The following NAA60 variants were observed in gnomAD, a reference collection of about 807,000 sequenced individuals.
The protein encoded by NAA60 is N-alpha-acetyltransferase 60, NatF catalytic subunit.
NAA60 carries 8 observed loss-of-function variants against 26.1 expected under a neutral mutation model. The ratio of observed to expected loss-of-function variants is 0.31; its 90% CI spans 0.18 to 0.55. NAA60 has a LOEUF of 0.55. NAA60 is among the 20% of genes least tolerant of loss of function. The pLI is 0.93. For missense variants in NAA60, 290 were observed against 311.3 expected (o/e 0.93, Z 0.51); for synonymous variants, 131 against 122.5 (o/e 1.07, Z -0.46).
intron 2 of NAA60, chr16:3,449,967 G>C (rs2034709933): frequency 5.0e-6 from 2 of 397,802 alleles, no homozygotes; most frequent in Non-Finnish European, 8.9e-6. Context: ...TCTTTTTTTT[G>C]TAAATTGCGC....
intron 2 of NAA60, among the ~76,000 whole-genome samples, chr16:3,454,380 G>T (rs548914050): frequency 6.6e-6 from 1 of 152,298 alleles, no homozygotes; most frequent in East Asian, 1.9e-4. Flanking sequence ...TGAGTAAATA[G>T]GCAAGAGAAA....
At chr16:3,467,006 C>A (rs2035805607) in intron 2 of NAA60, among the ~76,000 whole-genome samples, 1 of 151,778 alleles carries the variant, frequency 6.6e-6, no homozygotes, top group South Asian at 2.1e-4. Flanking sequence ...GAGGCCTGCC[C>A]AAGATGGGTG....
At chr16:3,484,146 T>G (rs1302889054) in intron 6 of NAA60, among the ~76,000 whole-genome samples, 2 of 152,146 alleles carry the variant, frequency 1.3e-5, no homozygotes, top group Non-Finnish European at 2.9e-5. Context: ...TTTATAATAG[T>G]CAGAATGTGG....
intron 2 of NAA60, among the ~76,000 whole-genome samples, chr16:3,462,086 C>CAAAAAAAAAAAAAAA (rs1228233879): frequency 7.8e-5 from 6 of 76,794 alleles, no homozygotes; most frequent in African/African-American, 1.6e-4. Context: ...GACCTTATAT[C>CAAAAAAAAAAAAAAA]AAAAAAAAAA....
intron 2 of NAA60, among the ~76,000 whole-genome samples, chr16:3,452,741 C>T (rs1351087784): frequency 6.6e-6 from 1 of 151,362 alleles, no homozygotes. Context: ...AGCTCACTTG[C>T]ACCAGGAGTT....
At chr16:3,482,788 C>T (rs1319974523) in intron 5 of NAA60, 190 bp downstream of exon 5, 7 of 618,612 alleles carry the variant, frequency 1.1e-5, no homozygotes, top group Admixed American at 9.7e-5. Flanking sequence ...CCAGCACACC[C>T]ACCACCTTCA....
chr16:3,445,994 G>A (rs1449382637), intron 1 of NAA60, among the ~76,000 whole-genome samples: 1 of 152,122 alleles, frequency 6.6e-6, no homozygotes, highest in Non-Finnish European at 1.5e-5. Flanking sequence ...AATCACAAAT[G>A]CTTGACTGTA....
At chr16:3,482,626 C>G in intron 5 of NAA60, 28 bp downstream of exon 5, 4 of 1,521,778 alleles carry the variant, frequency 2.6e-6, no homozygotes, top group Non-Finnish European at 3.6e-6. Context: ...CGCGGCTTGG[C>G]GCCCACCCCA....
chr16:3,444,767 A>G (rs1449969603), intron 1 of NAA60, among the ~76,000 whole-genome samples: 1 of 152,196 alleles, frequency 6.6e-6, no homozygotes, highest in Non-Finnish European at 1.5e-5. Flanking sequence ...GCATGTTGGT[A>G]ACGTTGACAA....
intron 2 of NAA60, among the ~76,000 whole-genome samples, chr16:3,466,054 G>A (rs987230275): frequency 6.6e-6 from 1 of 152,224 alleles, no homozygotes; most frequent in African/African-American, 2.4e-5. Flanking sequence ...CAAGTGCACA[G>A]CTTCACCCAG....
rs1466553110 is a variant in NAA60, at chr16:3,450,721, AAAAG to A, written c.-7+2186_-7+2189del. On this transcript the variant is annotated intron_variant, in intron 2 of 7. Coordinates refer to ENST00000407558, the MANE Select transcript of NAA60 (RefSeq NM_001083601.3). ...TCTCAAAAAAAAAAAAAAAAAAAAA[AAAAG>A]AAAGTTGTGATCCAAGGGAAAGCAT... 1.9e-3 allele frequency among the ~76,000 whole-genome samples: 289 copies of A among 150,290 alleles called. 1 individual carries two copies. Among genetic ancestry groups the A allele is most frequent in the African/African-American group, 3.6e-3 (146 of 40,562 alleles).
At chr16:3,476,408 G>T (rs568770328) in intron 3 of NAA60, 71 bp downstream of exon 3, 2 of 1,319,752 alleles carry the variant, frequency 1.5e-6, no homozygotes, top group South Asian at 1.3e-5. Flanking sequence ...CGGCGGGGGT[G>T]GGGGCCTCTT....
In NAA60 at chr16:3,485,702, A is replaced by G. The variant is rs114173034; in HGVS notation, c.*442A>G. 1,917 of 456,572 alleles carry G rather than the reference A, an allele frequency of 4.2e-3. 42 individuals are homozygous for G. The highest frequency in any genetic ancestry group is 0.034 in the African/African-American group (1,714 of 50,198). 28.3% of individuals were successfully genotyped at this position (456,572 alleles called of 1,614,324 possible). On this transcript the variant is annotated 3_prime_UTR_variant, in exon 8 of 8. Transcript: ENST00000407558. ...AAGTATTATGGACACACTTGACCGT[A>G]AAGGCACAGGAGCCTCGGAACAAGG... is the stretch of plus-strand genomic sequence containing the variant.
rs572441633 is a variant in NAA60 at position 3,458,349 on chromosome 16, C to T, written c.-7+9809C>T. On this transcript the variant is annotated intron_variant, in intron 2 of 7. Transcript: ENST00000407558. ...CCCGCGCCCCCGGCGCACGGTCCTCCCGGGAGCCGGTTTCGGGGACGGCGG... is the reference window on the plus strand; with the variant it reads ...CCCGCGCCCCCGGCGCACGGTCCTCTCGGGAGCCGGTTTCGGGGACGGCGG... Among the ~76,000 whole-genome samples the T allele has an allele frequency of 6.7e-4, 101 of 151,580 alleles. 2 individuals carry two copies. Among genetic ancestry groups the T allele is most frequent in the African/African-American group, 2.2e-3 (93 of 41,506 alleles).
At chr16:3,446,994 A>G (rs1303336197) in intron 1 of NAA60, among the ~76,000 whole-genome samples, 1 of 151,718 alleles carries the variant, frequency 6.6e-6, no homozygotes, top group African/African-American at 2.4e-5. Flanking sequence ...GGTGCGTACC[A>G]CCACACCTGG....
At chr16:3,465,354 C>G (rs28401) in intron 2 of NAA60, among the ~76,000 whole-genome samples, 20,090 of 151,460 alleles carry the variant, frequency 0.13, 1,692 homozygotes, top group Non-Finnish European at 0.19. Flanking sequence ...AGCACATCTT[C>G]TGGTCCCCGG....
Position 3,479,763 on chromosome 16 carries a change from C to CTGTG in NAA60, c.240+178_240+181dup, listed in dbSNP as rs397970860. ...ACACTTGTCCCTGGCTGGTGCTTTT[C>CTGTG]TGTGTGTGTGTGTGTGTGATTTCAT... On this transcript the variant is annotated intron_variant, in intron 4 of 7. Coordinates refer to ENST00000407558, the MANE Select transcript of NAA60 (RefSeq NM_001083601.3). Among the ~76,000 whole-genome samples, 183 of 151,106 alleles carry CTGTG rather than the reference C, an allele frequency of 1.2e-3. 1 individual carries two copies. Among genetic ancestry groups the CTGTG allele is most frequent in the African/African-American group, 3.8e-3 (157 of 41,192 alleles).
At chr16:3,476,128 A>C (rs1281102295) in intron 2 of NAA60, 94 bp from the exon 3 acceptor site, 2 of 911,216 alleles carry the variant, frequency 2.2e-6, no homozygotes, top group South Asian at 1.6e-5. Flanking sequence ...CCCGTGGGAC[A>C]TGCTCCGTGC....
chr16:3,479,647 C>T lies in NAA60; in HGVS notation c.240+47C>T, dbSNP rs187464541. ...GGACTTGGCAGTCACTGTCATTGGA[C>T]GGGCCAAGGGGGCTTGCGATGGAAT... On this transcript the variant is annotated intron_variant, in intron 4 of 7. Coordinates refer to ENST00000407558, the MANE Select transcript of NAA60 (RefSeq NM_001083601.3). 2.0e-3 allele frequency: 3,180 copies of T among 1,605,498 alleles called. 48 individuals carry two copies. In the South Asian group the frequency reaches 0.025, roughly 13 times the overall value.
Sources: allele counts gnomAD v4.1 joint callset (sites outside exome capture counted in the v4.1 genomes callset), GRCh38; gene constraint gnomAD v4.1.1; transcripts MANE v1.5; gene names NCBI Gene and HGNC (gene_info 2026-07-23, HGNC 2026-07-21).